SCN7A: variants seen among roughly 807,000 people sequenced by gnomAD.
SCN7A encodes sodium voltage-gated channel alpha subunit 7, also known as sodium channel protein type 7 subunit alpha.
A neutral mutation model predicts 155.2 loss-of-function variants in SCN7A; 138 were observed. The ratio of observed to expected loss-of-function variants is 0.89; its 90% CI spans 0.77 to 1.02. SCN7A has a LOEUF of 1.02. SCN7A is among the 50% of genes least tolerant of loss of function. The pLI is 0.00. For synonymous variants in SCN7A, 693 were observed against 649.0 expected (o/e 1.07, Z -1.03); for missense variants, 2,058 against 1,986.6 (o/e 1.04, Z -0.68).
intron 15 of SCN7A, among the ~76,000 whole-genome samples, chr2:166,439,160 T>G (rs1701904583): frequency 6.7e-6 from 1 of 150,118 alleles, no homozygotes; most frequent in South Asian, 2.1e-4. Flanking sequence ...CCATAACTCT[T>G]CCTTTTGGAA....
At position 166,405,525 on chromosome 2, in the gene SCN7A, G is replaced by T; in HGVS notation, c.*55C>A. ...TACTTTTCTTTTATTCCTGGCTTAG[G>T]CTTTCAACATTTTTCAGATATGTGA... On this transcript the variant is annotated 3_prime_UTR_variant, in exon 26 of 26. Transcript: ENST00000643258. 7.8e-7 allele frequency: 1 copy of T among 1,286,346 alleles called. No individual in the cohort carries two copies. The highest frequency in any genetic ancestry group is 1.5e-5 in the South Asian group (1 of 67,952). The allele number at this position is 1,286,346 out of a possible 1,614,324, so 79.7% of individuals were successfully genotyped here.
chr2:166,418,407 T>C (rs987969344), intron 20 of SCN7A, among the ~76,000 whole-genome samples: 1 of 150,348 alleles, frequency 6.7e-6, no homozygotes, highest in Admixed American at 6.7e-5. Flanking sequence ...GATGGGATTA[T>C]AGGCGTGAAT....
intron 13 of SCN7A, among the ~76,000 whole-genome samples, chr2:166,443,921 A>G (rs905251120): frequency 1.3e-5 from 2 of 152,210 alleles, no homozygotes; most frequent in Admixed American, 1.3e-4. Flanking sequence ...TGATCCTCGA[A>G]GAAAACAAAA....
At chr2:166,409,611 G>A (rs953049314) in intron 25 of SCN7A, 54 bp downstream of exon 25, 1 of 1,275,616 alleles carries the variant, frequency 7.8e-7, no homozygotes, top group African/African-American at 1.5e-5. Context: ...TACTGTAAGA[G>A]CTTACTTGAA....
At chr2:166,445,568 C>A (rs1294827941) in intron 12 of SCN7A, among the ~76,000 whole-genome samples, 1 of 151,892 alleles carries the variant, frequency 6.6e-6, no homozygotes, top group Non-Finnish European at 1.5e-5. Flanking sequence ...GACCCACTTT[C>A]TCAGCAGGAG....
intron 1 of SCN7A, among the ~76,000 whole-genome samples, chr2:166,488,247 C>G (rs888615005): frequency 6.6e-6 from 1 of 152,216 alleles, no homozygotes; most frequent in Non-Finnish European, 1.5e-5. Flanking sequence ...TAATGACTTA[C>G]AGCTAAATTC....
chr2:166,463,056 A>T (rs967886481), intron 9 of SCN7A, among the ~76,000 whole-genome samples: 1 of 152,218 alleles, frequency 6.6e-6, no homozygotes, highest in Non-Finnish European at 1.5e-5. Context: ...AACTGATGGA[A>T]AATAGTACTG....
chr2:166,433,358 G>C (rs1215504603), intron 15 of SCN7A, among the ~76,000 whole-genome samples: 1 of 151,842 alleles, frequency 6.6e-6, no homozygotes, highest in Non-Finnish European at 1.5e-5. Context: ...ACTAAAAAAG[G>C]CTGACCTGAG....
In SCN7A at chr2:166,416,899, G is replaced by C; in HGVS notation, c.3222C>G (p.Ile1074Met). 1 of 1,613,046 alleles carries C rather than the reference G, an allele frequency of 6.2e-7. No individual in the cohort carries two copies. The highest frequency in any genetic ancestry group is 1.1e-5 in the South Asian group (1 of 90,928). The change falls in exon 21 of 26, where the codon ATC becomes ATG. Residue 1074 changes from isoleucine to methionine, a missense_variant. Ile to Met is a conservative substitution (Grantham distance 10, BLOSUM62 1). Transcript: ENST00000643258. Reference sequence around the variant, plus strand: ...TGCCAGCAAATAAGTCTACTCCCATGATACTAAAAATCAGCCAGATCATCA... The same window carrying C: ...TGCCAGCAAATAAGTCTACTCCCATCATACTAAAAATCAGCCAGATCATCA... ...VCLMIWLIFS[I>M]MGVDLFAGRF...
chr2:166,473,701 ATAATG>A, intron 5 of SCN7A, 93 bp downstream of exon 5: 1 of 279,488 alleles, frequency 3.6e-6, no homozygotes, highest in Non-Finnish European at 6.7e-6. Context: ...AATATAAAAT[ATAATG>A]TATCATAATT....
intron 18 of SCN7A, among the ~76,000 whole-genome samples, chr2:166,425,159 C>T (rs1339893832): frequency 2.0e-5 from 3 of 152,094 alleles, no homozygotes; most frequent in African/African-American, 7.2e-5. Context: ...TGAATTGAGT[C>T]TTTCTTGAGG....
At chr2:166,488,308 C>T (rs1703097062) in intron 1 of SCN7A, among the ~76,000 whole-genome samples, 1 of 152,134 alleles carries the variant, frequency 6.6e-6, no homozygotes, top group African/African-American at 2.4e-5. Flanking sequence ...ATGCTTTCCC[C>T]TCCAGGGTTT....
chr2:166,477,953 C>T (rs138011974), intron 2 of SCN7A, among the ~76,000 whole-genome samples: 1 of 151,880 alleles, frequency 6.6e-6, no homozygotes, highest in Admixed American at 6.6e-5. Context: ...TTACTGAAAT[C>T]TACCTTTCAA....
At chr2:166,454,183 G>A (rs1370439297) in intron 11 of SCN7A, among the ~76,000 whole-genome samples, 1 of 152,114 alleles carries the variant, frequency 6.6e-6, no homozygotes, top group African/African-American at 2.4e-5. Flanking sequence ...ATTGTGAAAT[G>A]CCACTTCAGA....
rs1683133873 is a variant in SCN7A, at chr2:166,492,430, A to C, written c.-128+1538T>G. ...TAACGGGCCAAATACATTCAGCAAT[A>C]TCCAATATACGTGATGGCTTCATCC... On this transcript the variant is annotated intron_variant, in intron 1 of 25. Coordinates refer to ENST00000643258, the MANE Select transcript of SCN7A (RefSeq NM_002976.4). Among the ~76,000 whole-genome samples the C allele has an allele frequency of 2.0e-5, 3 of 152,198 alleles. No homozygotes were observed. In the South Asian group the frequency reaches 6.2e-4, roughly 31 times the overall value.
In SCN7A at chr2:166,477,454, A is replaced by G; in HGVS notation, c.234+9T>C. On this transcript the variant is annotated intron_variant, in intron 3 of 25. Transcript: ENST00000643258. ...AAATGTCATCAAAATAATCTCAATT[A>G]ATACTCACATTTTTTTTCTTGTAGT... The G allele has an allele frequency of 7.0e-7, 1 of 1,429,590 alleles. No individual in the cohort carries two copies. The highest frequency in any genetic ancestry group is 9.4e-7 in the Non-Finnish European group (1 of 1,061,156). 88.6% of individuals were successfully genotyped at this position (1,429,590 alleles called of 1,614,324 possible). A position where few individuals can be genotyped will look rare whatever the true frequency, so the allele number is the denominator to read the frequency against.
chr2:166,442,193 C>T (rs543924200), intron 14 of SCN7A, among the ~76,000 whole-genome samples: 2 of 152,276 alleles, frequency 1.3e-5, no homozygotes, highest in South Asian at 4.1e-4. Context: ...TTTAAAATAA[C>T]ATGTCAAAGA....
chr2:166,421,392 C>A (rs549935757), intron 19 of SCN7A, 95 bp from the exon 20 acceptor site: 135 of 565,886 alleles, frequency 2.4e-4, no homozygotes, highest in Admixed American at 4.1e-5. Context: ...CAGATATATA[C>A]AATAAAAGCT....
intron 6 of SCN7A, 68 bp from the exon 7 acceptor site, chr2:166,470,774 TG>T (rs1702637490): frequency 7.1e-7 from 1 of 1,401,768 alleles, no homozygotes; most frequent in African/African-American, 1.5e-5. Context: ...TGGCTTTTTA[TG>T]GTTATTGAAA....
Sources: allele counts gnomAD v4.1 joint callset (sites outside exome capture counted in the v4.1 genomes callset), GRCh38; gene constraint gnomAD v4.1.1; transcripts MANE v1.5; gene names NCBI Gene and HGNC (gene_info 2026-07-23, HGNC 2026-07-21).